The following CBFB variants were observed in gnomAD, a reference collection of about 807,000 sequenced individuals.
CBFB encodes core-binding factor subunit beta.
CBFB carries 9 observed loss-of-function variants against 30.4 expected under a neutral mutation model. The observed-to-expected ratio is 0.30, with a 90% confidence interval of 0.18 to 0.52. The LOEUF (loss-of-function observed/expected upper bound fraction) is 0.52. Among genes scored for constraint, CBFB ranks in the 20% least tolerant of loss-of-function variants. CBFB has a pLI of 0.97. For synonymous variants in CBFB, 94 were observed against 84.0 expected (o/e 1.12, Z -0.65); for missense variants, 170 against 244.0 (o/e 0.70, Z 2.02).
At chr16:67,070,768 T>TTGAACCCAGGAGGCTGAGATTGCAA (rs1242940221) in intron 4 of CBFB, among the ~76,000 whole-genome samples, 2 of 151,950 alleles carry the variant, frequency 1.3e-5, no homozygotes, top group African/African-American at 4.8e-5. Flanking sequence ...GGATGATTGC[T>TTGAACCCAGGAGGCTGAGATTGCAA]TGAACCCAGG....
At chr16:67,073,970 A>G (rs1439293526) in intron 4 of CBFB, among the ~76,000 whole-genome samples, 1 of 151,736 alleles carries the variant, frequency 6.6e-6, no homozygotes, top group African/African-American at 2.4e-5. Context: ...CGGAGCTTGC[A>G]GTGAGCCAAG....
intron 4 of CBFB, among the ~76,000 whole-genome samples, chr16:67,071,304 G>T (rs886250259): frequency 3.3e-5 from 5 of 152,128 alleles, no homozygotes; most frequent in Non-Finnish European, 5.9e-5. Context: ...CCCTACTCCC[G>T]TTGTTACTGT....
intron 2 of CBFB, among the ~76,000 whole-genome samples, chr16:67,031,915 CT>C (rs1254830609): frequency 6.6e-6 from 1 of 151,676 alleles, no homozygotes; most frequent in Non-Finnish European, 1.5e-5. Flanking sequence ...CAGCCTCAAA[CT>C]TCTGGGCTCA....
At chr16:67,073,704 T>C (rs1961302226) in intron 4 of CBFB, among the ~76,000 whole-genome samples, 1 of 152,010 alleles carries the variant, frequency 6.6e-6, no homozygotes, top group Admixed American at 6.6e-5. Flanking sequence ...ATCGTGCCAT[T>C]GCACTCCAGC....
At chr16:67,029,889 G>A in intron 2 of CBFB, 76 bp downstream of exon 2, 1 of 974,626 alleles carries the variant, frequency 1.0e-6, no homozygotes, top group Non-Finnish European at 1.4e-6. Flanking sequence ...GTTCCGGACG[G>A]CGGCGCGGCT....
At chr16:67,091,228 T>TAA (rs1961871604) in intron 5 of CBFB, among the ~76,000 whole-genome samples, 1 of 152,186 alleles carries the variant, frequency 6.6e-6, no homozygotes, top group South Asian at 2.1e-4. Flanking sequence ...GCAATAGACT[T>TAA]TATTAAGATT....
chr16:67,038,656 GT>G lies in CBFB; in HGVS notation c.282+1908del, dbSNP rs912821609. On this transcript the variant is annotated intron_variant, in intron 3 of 5. Coordinates refer to ENST00000412916, the MANE Select transcript of CBFB (RefSeq NM_022845.3). ...TTGAGAAGTCCTTGTACGATTATTG[GT>G]TTTTTTGTGCTTCTGGTGCGTGTAT... is the stretch of plus-strand genomic sequence containing the variant. Among the ~76,000 whole-genome samples the G allele has an allele frequency of 8.6e-5, 13 of 151,792 alleles. 1 individual carries two copies. In the South Asian group the frequency reaches 2.7e-3, roughly 32 times the overall value.
intron 3 of CBFB, among the ~76,000 whole-genome samples, chr16:67,058,592 T>C (rs1266303962): frequency 6.6e-6 from 1 of 152,240 alleles, no homozygotes; most frequent in African/African-American, 2.4e-5. Flanking sequence ...AAGCATTTCC[T>C]GCACATAGTT....
intron 4 of CBFB, among the ~76,000 whole-genome samples, chr16:67,073,993 C>T (rs1401672619): frequency 6.6e-6 from 1 of 151,916 alleles, no homozygotes; most frequent in Non-Finnish European, 1.5e-5. Flanking sequence ...GGTGCCACTG[C>T]ACTCCAAGCC....
At chr16:67,031,753 TCCTC>T (rs954436524) in intron 2 of CBFB, among the ~76,000 whole-genome samples, 4 of 151,986 alleles carry the variant, frequency 2.6e-5, no homozygotes, top group African/African-American at 9.7e-5. Context: ...CCTTAAGTAA[TCCTC>T]CCACCTCGGC....
At chr16:67,072,566 A>G (rs1254997024) in intron 4 of CBFB, among the ~76,000 whole-genome samples, 2 of 151,750 alleles carry the variant, frequency 1.3e-5, no homozygotes, top group African/African-American at 2.4e-5. Flanking sequence ...TCCTGGGTTC[A>G]AGCGATTCTC....
intron 3 of CBFB, among the ~76,000 whole-genome samples, chr16:67,039,230 A>G (rs986082314): frequency 1.3e-4 from 20 of 152,204 alleles, no homozygotes; most frequent in Non-Finnish European, 1.2e-4. Flanking sequence ...ATGTTACCGT[A>G]CTGAATACTG....
intron 4 of CBFB, among the ~76,000 whole-genome samples, chr16:67,068,656 T>A (rs1486471642): frequency 6.6e-6 from 1 of 152,062 alleles, no homozygotes; most frequent in Admixed American, 6.6e-5. Context: ...AACTGTCTGG[T>A]TTTCAGCAAA....
At chr16:67,078,235 G>A (rs1328019154) in intron 4 of CBFB, among the ~76,000 whole-genome samples, 1 of 152,178 alleles carries the variant, frequency 6.6e-6, no homozygotes, top group African/African-American at 2.4e-5. Flanking sequence ...CTGCACATAT[G>A]TCTCACATGT....
intron 2 of CBFB, among the ~76,000 whole-genome samples, chr16:67,031,526 T>G (rs903763604): frequency 6.6e-6 from 1 of 152,240 alleles, no homozygotes; most frequent in Non-Finnish European, 1.5e-5. Context: ...CTTTTTTGTT[T>G]TGAGACGGAG....
chr16:67,037,666 ATTTTT>A (rs35804914), intron 3 of CBFB, among the ~76,000 whole-genome samples: 1 of 129,290 alleles, frequency 7.7e-6, no homozygotes, highest in Non-Finnish European at 1.6e-5. Context: ...GATTTTGGTA[ATTTTT>A]TTTTTTTTTT....
intron 3 of CBFB, among the ~76,000 whole-genome samples, chr16:67,048,110 C>CA (rs1966662997): frequency 6.6e-6 from 1 of 151,910 alleles, no homozygotes; most frequent in African/African-American, 2.4e-5. Flanking sequence ...CGTGGTGTCG[C>CA]ATGCCTCTGG....
chr16:67,038,917 G>T (rs1966488107), intron 3 of CBFB, among the ~76,000 whole-genome samples: 1 of 152,132 alleles, frequency 6.6e-6, no homozygotes, highest in Admixed American at 6.6e-5. Flanking sequence ...AATTAAGTTT[G>T]CTTGAATTAA....
chr16:67,058,364 C>T (rs1355881277), intron 3 of CBFB, among the ~76,000 whole-genome samples: 1 of 152,182 alleles, frequency 6.6e-6, no homozygotes, highest in Non-Finnish European at 1.5e-5. Flanking sequence ...TGGTCTCCAA[C>T]TCCTGACCTC....
Sources: allele counts gnomAD v4.1 joint callset (sites outside exome capture counted in the v4.1 genomes callset), GRCh38; gene constraint gnomAD v4.1.1; transcripts MANE v1.5; gene names NCBI Gene and HGNC (gene_info 2026-07-23, HGNC 2026-07-21).